The following MAGI1 variants were observed in gnomAD, a reference collection of about 807,000 sequenced individuals.
MAGI1 encodes the protein membrane associated guanylate kinase, WW and PDZ domain containing 1, also known as membrane-associated guanylate kinase, WW and PDZ domain-containing protein 1.
In MAGI1, 58 loss-of-function variants were observed where a neutral mutation model predicts 139.9. That is an observed-to-expected ratio of 0.41 (90% CI 0.34 to 0.52). The LOEUF is 0.52. Ranked by LOEUF, MAGI1 falls within the 20% of genes least tolerant of loss-of-function variation. MAGI1 has a pLI of 0.12. For synonymous variants in MAGI1, 812 were observed against 737.9 expected (o/e 1.10, Z -1.63); for missense variants, 1,874 against 1,901.6 (o/e 0.99, Z 0.27).
intron 1 of MAGI1, among the ~76,000 whole-genome samples, chr3:65,811,970 G>GAA (rs1469125211): frequency 6.6e-6 from 1 of 151,420 alleles, no homozygotes; most frequent in East Asian, 2.0e-4. Context: ...GAGAGAGAGA[G>GAA]CGTGCACTCG....
chr3:65,392,363 A>C (rs1419040314), intron 13 of MAGI1, among the ~76,000 whole-genome samples: 2 of 152,206 alleles, frequency 1.3e-5, no homozygotes, highest in Non-Finnish European at 2.9e-5. Context: ...CCTATTCAAA[A>C]CAAAAAATCC....
intron 4 of MAGI1, among the ~76,000 whole-genome samples, chr3:65,473,455 A>T (rs1950676729): frequency 6.6e-6 from 1 of 152,116 alleles, no homozygotes; most frequent in African/African-American, 2.4e-5. Context: ...AACTGTCCAA[A>T]CTCGGTGACA....
At chr3:65,489,939 T>C (rs774629646) in intron 3 of MAGI1, among the ~76,000 whole-genome samples, 4 of 152,182 alleles carry the variant, frequency 2.6e-5, no homozygotes, top group Non-Finnish European at 5.9e-5. Flanking sequence ...AAGAGTGCTT[T>C]GTGTTGTTGT....
At chr3:65,651,007 G>C (rs1479827325) in intron 1 of MAGI1, among the ~76,000 whole-genome samples, 17 of 152,010 alleles carry the variant, frequency 1.1e-4, no homozygotes, top group Admixed American at 1.1e-3. Context: ...AAATAAGCAA[G>C]ACCAAAAAAA....
intron 1 of MAGI1, among the ~76,000 whole-genome samples, chr3:65,923,715 G>T (rs191808206): frequency 1.1e-3 from 174 of 152,244 alleles, no homozygotes; most frequent in Non-Finnish European, 1.9e-3. Flanking sequence ...GGCTGCTATG[G>T]GAGATAAGAG....
At chr3:65,760,362 C>T (rs2107872248) in intron 1 of MAGI1, among the ~76,000 whole-genome samples, 1 of 150,078 alleles carries the variant, frequency 6.7e-6, no homozygotes, top group South Asian at 2.1e-4. Context: ...CCCAAGGTCA[C>T]ACGGCAAGGA....
At chr3:65,756,155 T>C (rs1315144067) in intron 1 of MAGI1, among the ~76,000 whole-genome samples, 2 of 152,156 alleles carry the variant, frequency 1.3e-5, no homozygotes, top group African/African-American at 4.8e-5. Context: ...ATTGATCCCC[T>C]CTTACAGAGA....
intron 1 of MAGI1, among the ~76,000 whole-genome samples, chr3:65,635,902 C>A (rs998710032): frequency 6.6e-6 from 1 of 152,208 alleles, no homozygotes; most frequent in African/African-American, 2.4e-5. Flanking sequence ...ATTCTGACTG[C>A]ATTACAGTAT....
Position 65,356,837 on chromosome 3 carries a change from C to A in MAGI1, c.3930G>T (p.Glu1310Asp). 1 of 1,612,738 alleles carries A rather than the reference C, an allele frequency of 6.2e-7. No individual in the cohort carries two copies. Among genetic ancestry groups the A allele is most frequent in the South Asian group, 1.1e-5 (1 of 90,992 alleles). ...APEGRRDAQA[E>D]RAAAANGPKR... ...TGGGGCCGTTGGCGGCTGCCGCGCG[C>A]TCGGCCTGCGCGTCCCTCCGTCCCT... The change falls in exon 23 of 23, where the codon GAG (glutamate) becomes GAT (aspartate). Residue 1310 changes from glutamate to aspartate, a missense_variant. This residue lies in a region of MAGI1 where 653 missense variants were observed against 644.5 expected (regional missense o/e 1.01). Coordinates refer to ENST00000402939, the MANE Select transcript of MAGI1 (RefSeq NM_001033057.2).
At chr3:65,745,735 T>C (rs886386846) in intron 1 of MAGI1, among the ~76,000 whole-genome samples, 7 of 149,060 alleles carry the variant, frequency 4.7e-5, no homozygotes, top group Non-Finnish European at 7.5e-5. Flanking sequence ...TTCTCTTTTG[T>C]TTTTCCCCCC....
At chr3:65,683,361 T>C (rs1226062788) in intron 1 of MAGI1, among the ~76,000 whole-genome samples, 1 of 152,076 alleles carries the variant, frequency 6.6e-6, no homozygotes, top group Non-Finnish European at 1.5e-5. Flanking sequence ...ATGGGGGATG[T>C]TGATAATGTG....
In MAGI1 at chr3:65,999,296, A is replaced by AG. The variant is rs1420565896; in HGVS notation, c.313+38699dup. Among the ~76,000 whole-genome samples, 4 of 152,174 alleles carry AG rather than the reference A, an allele frequency of 2.6e-5. No individual in the cohort carries two copies. The East Asian group carries it at 5.8e-4, about 22-fold the overall frequency. On this transcript the variant is annotated intron_variant, in intron 1 of 22. Transcript: ENST00000402939. ...CCCTTTTTCAATGAAATTATAATTT[A>AG]GGGGGATAAGGAGAGGAAAGACAGG...
At chr3:65,865,501 T>G (rs2059692387) in intron 1 of MAGI1, among the ~76,000 whole-genome samples, 1 of 152,108 alleles carries the variant, frequency 6.6e-6, no homozygotes, top group African/African-American at 2.4e-5. Context: ...GAGACTGAGA[T>G]GGGAGGATCA....
intron 2 of MAGI1, among the ~76,000 whole-genome samples, chr3:65,529,836 T>C (rs1224917827): frequency 6.6e-6 from 1 of 152,100 alleles, no homozygotes; most frequent in African/African-American, 2.4e-5. Context: ...CATATATACA[T>C]AAATATAATA....
In MAGI1 at chr3:65,466,234, TGTTA is replaced by T. The variant is rs1338974860; in HGVS notation, c.959+4045_959+4048del. On this transcript the variant is annotated intron_variant, in intron 5 of 22. Coordinates refer to ENST00000402939, the MANE Select transcript of MAGI1 (RefSeq NM_001033057.2). ...AATTCTAACAGTGCTGTTATCGCTG[TGTTA>T]GTATCTACTCATTGCCTTTTTTCAC... 2.0e-5 allele frequency among the ~76,000 whole-genome samples: 3 copies of T among 152,330 alleles called. No homozygotes were observed. The East Asian group carries it at 5.8e-4, about 29-fold the overall frequency.
intron 1 of MAGI1, among the ~76,000 whole-genome samples, chr3:65,830,165 G>A (rs998233498): frequency 1.3e-5 from 2 of 152,114 alleles, no homozygotes; most frequent in Non-Finnish European, 2.9e-5. Flanking sequence ...CTACCATTAA[G>A]GTCTTGGCAC....
intron 2 of MAGI1, among the ~76,000 whole-genome samples, chr3:65,509,860 C>G (rs1225757623): frequency 1.3e-5 from 2 of 152,126 alleles, no homozygotes; most frequent in East Asian, 1.9e-4. Flanking sequence ...AGGGCACAGA[C>G]AAACAAAAAG....
chr3:65,663,823 C>T (rs1319670405), intron 1 of MAGI1, among the ~76,000 whole-genome samples: 2 of 152,130 alleles, frequency 1.3e-5, no homozygotes, highest in Admixed American at 1.3e-4. Flanking sequence ...AGTAGTAGTA[C>T]CTCCCCGAGT....
rs1469503214 is a variant in MAGI1, at chr3:65,745,712, AG to A, written c.314-123625del. 4.6e-5 allele frequency among the ~76,000 whole-genome samples: 7 copies of A among 152,020 alleles called. No homozygotes were observed. The South Asian group carries it at 6.2e-4, about 14-fold the overall frequency. On this transcript the variant is annotated intron_variant, in intron 1 of 22. Transcript: ENST00000402939. ...TTCTCATTGCAAGGTGCCTACGGCA[AG>A]TGGATATTGAATTCTCTTTTGTTTT...
Sources: gnomAD v4.1 joint callset for allele counts (sites outside exome capture counted in the v4.1 genomes callset) on GRCh38, gnomAD v4.1.1 for gene constraint, gnomAD v4.1.1 regional missense constraint, MANE v1.5 for transcripts, NCBI Gene and HGNC (gene_info 2026-07-23, HGNC 2026-07-21) for gene names.